The following DNAH5 variants were observed in gnomAD, a reference collection of about 807,000 sequenced individuals.
DNAH5 encodes the protein dynein axonemal heavy chain 5, also known as axonemal beta dynein heavy chain 5.
In DNAH5, 372 loss-of-function variants were observed where a neutral mutation model predicts 518.2. The observed-to-expected ratio is 0.72, with a 90% CI of 0.66 to 0.78. The LOEUF (loss-of-function observed/expected upper bound fraction) is 0.78, where lower values mean the gene tolerates loss of function less well. Ranked by LOEUF, DNAH5 falls within the 30% of genes least tolerant of loss-of-function variation. The pLI, the probability that DNAH5 is intolerant of heterozygous loss-of-function variation, is 0.00. For missense variants in DNAH5, 5,523 were observed against 5,687.0 expected, an observed-to-expected ratio of 0.97 and a Z score of 0.93; for synonymous variants, 2,039 against 2,025.9, an observed-to-expected ratio of 1.01 and a Z score of -0.17.
At chr5:13,820,616 A>G in intron 40 of DNAH5, 117 bp from the exon 41 acceptor site, 2 of 1,180,338 alleles carry the variant, frequency 1.7e-6, no homozygotes, top group Non-Finnish European at 2.5e-6. Context: ...CAAGGTCAGG[A>G]GTTCAAGACC....
chr5:13,716,383 C>A (rs1561100187), intron 74 of DNAH5, 104 bp downstream of exon 74: 1 of 796,932 alleles, frequency 1.3e-6, no homozygotes, highest in African/African-American at 1.7e-5. Context: ...TATATATCAC[C>A]ATTAAAATGT....
At chr5:13,808,425 G>T (rs909791226) in intron 46 of DNAH5, among the ~76,000 whole-genome samples, 1 of 152,096 alleles carries the variant, frequency 6.6e-6, no homozygotes, top group African/African-American at 2.4e-5. Flanking sequence ...CACCTAGGCT[G>T]CGGTATTTGG....
intron 1 of DNAH5, among the ~76,000 whole-genome samples, chr5:14,002,814 A>G (rs1784453277): frequency 6.6e-6 from 1 of 151,864 alleles, no homozygotes; most frequent in South Asian, 2.1e-4. Flanking sequence ...AATCTTTCAA[A>G]TGTACTTACT....
At chr5:13,746,532 G>T (rs897041929) in intron 65 of DNAH5, among the ~76,000 whole-genome samples, 1 of 152,076 alleles carries the variant, frequency 6.6e-6, no homozygotes, top group African/African-American at 2.4e-5. Context: ...AATTTCCACA[G>T]GCCTATGAAG....
intron 21 of DNAH5, among the ~76,000 whole-genome samples, chr5:13,878,971 G>A (rs774750969): frequency 6.6e-6 from 1 of 152,144 alleles, no homozygotes; most frequent in Non-Finnish European, 1.5e-5. Flanking sequence ...AGTCTTAGGG[G>A]TACTGACAGG....
intron 60 of DNAH5, 53 bp downstream of exon 60, chr5:13,762,669 G>T (rs558711952): frequency 2.0e-6 from 3 of 1,538,236 alleles, no homozygotes; most frequent in South Asian, 2.2e-5. Flanking sequence ...AAGACGGGTC[G>T]ACCTGGAGAC....
chr5:13,776,704 G>T lies in DNAH5; in HGVS notation c.9108C>A (p.Val3036=), dbSNP rs750009811. 1.5e-5 allele frequency: 25 copies of T among 1,613,398 alleles called. No individual in the cohort carries two copies. In the African/African-American group the frequency reaches 3.2e-4, roughly 21 times the overall value. ...TTTCATCTCGAGCAAATAGGTTAGA[G>T]ACCTTAAAAAGAAGTACAGGCATGC... ...YMNNVLSSGE[V]SNLFARDEID... Residue 3036 remains valine, a splice_region_variant and synonymous_variant, in exon 55 of 79, where the codon GTC becomes GTA. Coordinates refer to ENST00000265104, the MANE Select transcript of DNAH5 (RefSeq NM_001369.3).
At chr5:13,858,276 G>A (rs1214806606) in intron 30 of DNAH5, among the ~76,000 whole-genome samples, 4 of 152,164 alleles carry the variant, frequency 2.6e-5, no homozygotes, top group African/African-American at 9.7e-5. Flanking sequence ...CAGGGACATG[G>A]ATGAAGCTAG....
chr5:13,757,326 T>C (rs565366122), intron 61 of DNAH5, among the ~76,000 whole-genome samples: 46 of 152,344 alleles, frequency 3.0e-4, no homozygotes, highest in African/African-American at 7.9e-4. Flanking sequence ...TGACCAGCAG[T>C]GTATAAGCAT....
At chr5:13,743,435 C>T (rs958947400) in intron 65 of DNAH5, among the ~76,000 whole-genome samples, 2 of 151,838 alleles carry the variant, frequency 1.3e-5, no homozygotes, top group African/African-American at 4.8e-5. Flanking sequence ...CTATGAATAA[C>T]ACCACAAAAG....
At position 13,776,684 on chromosome 5, in the gene DNAH5, T is replaced by A. The variant is rs759475605; in HGVS notation, c.9128A>T (p.Asp3043Val). The A allele has an allele frequency of 2.6e-5, 42 of 1,613,564 alleles. No homozygotes were observed. The highest frequency in any genetic ancestry group is 3.3e-5 in the Non-Finnish European group (39 of 1,179,776). The change falls in exon 55 of 79, where the codon GAT becomes GTT. Residue 3043 changes from aspartate to valine, a missense_variant. By Grantham distance (152) the Asp-to-Val change is radical. This residue lies in a region of DNAH5 where 5,121 missense variants were observed against 5,223.3 expected (regional missense o/e 0.98). Coordinates refer to ENST00000265104, the MANE Select transcript of DNAH5 (RefSeq NM_001369.3). ...GTCGCTATTAATTTCATCAATTTCA[T>A]CTCGAGCAAATAGGTTAGAGACCTT... The part of the protein sequence containing the change: ...SGEVSNLFAR[D>V]EIDEINSDLA...
chr5:13,821,625 A>G (rs7711979), intron 40 of DNAH5, among the ~76,000 whole-genome samples: 62,355 of 151,622 alleles, frequency 0.41, 13,079 homozygotes, highest in East Asian at 0.61. Flanking sequence ...GCACTTAATC[A>G]TCATGCTATG....
chr5:14,004,507 C>CTATTTTAATA, intron 1 of DNAH5, among the ~76,000 whole-genome samples: 1 of 152,326 alleles, frequency 6.6e-6, no homozygotes, highest in Middle Eastern at 3.4e-3. Context: ...ATGCACCTTG[C>CTATTTTAATA]ATTGCAAAAG....
rs548293591 is a variant in DNAH5 at position 13,823,589 on chromosome 5, T to C, written c.6580-219A>G. 1.6e-4 allele frequency among the ~76,000 whole-genome samples: 24 copies of C among 152,076 alleles called. No individual in the cohort carries two copies. The South Asian group carries it at 4.6e-3, about 29-fold the overall frequency. On this transcript the variant is annotated intron_variant, in intron 39 of 78. Transcript: ENST00000265104. ...AAAGAACAGGGAGAAAGGAAAGAAA[T>C]GGAAGGAAGACAATACTGTCTATGT...
rs911384602 is a variant in DNAH5, at chr5:13,707,658, G to A, written c.13338+465C>T. ...GTGAGGGGGATAAGGGAACTCCTCC[G>A]ATTTCGACAGCATGTAGCAGAAACT... On this transcript the variant is annotated intron_variant, in intron 76 of 78. Transcript: ENST00000265104. This position sits in a 1 kb window ranked among gnomAD's most constrained non-coding sequence, Gnocchi z 4.0. Among the ~76,000 whole-genome samples, 7 of 151,952 alleles carry A rather than the reference G, an allele frequency of 4.6e-5. No homozygotes were observed. Among genetic ancestry groups the A allele is most frequent in the East Asian group, 3.9e-4 (2 of 5,126 alleles).
chr5:13,906,796 A>G (rs1775355391), intron 12 of DNAH5, among the ~76,000 whole-genome samples: 1 of 152,236 alleles, frequency 6.6e-6, no homozygotes, highest in African/African-American at 2.4e-5. Context: ...TATGTACTAC[A>G]TATTAAAATT....
At chr5:13,989,587 C>T (rs926072295) in intron 1 of DNAH5, among the ~76,000 whole-genome samples, 2 of 151,244 alleles carry the variant, frequency 1.3e-5, no homozygotes, top group East Asian at 2.0e-4. Context: ...GGGTTCACGC[C>T]GTTCTCCTGC....
At chr5:13,730,927 C>T (rs191856847) in intron 68 of DNAH5, among the ~76,000 whole-genome samples, 251 of 152,110 alleles carry the variant, frequency 1.7e-3, no homozygotes, top group African/African-American at 5.6e-3. Context: ...CTCGAACTCC[C>T]GACCCCAGGT....
intron 1 of DNAH5, among the ~76,000 whole-genome samples, chr5:13,938,998 C>T (rs1404850287): frequency 6.6e-6 from 1 of 152,160 alleles, no homozygotes; most frequent in African/African-American, 2.4e-5. Context: ...TTTAAAGACA[C>T]CCAAATGGTT....
Sources: gnomAD v4.1 joint callset for allele counts (sites outside exome capture counted in the v4.1 genomes callset) on GRCh38, gnomAD v4.1.1 for gene constraint, gnomAD v4.1.1 regional missense constraint, Gnocchi (gnomAD v3.1) non-coding constraint, MANE v1.5 for transcripts, NCBI Gene and HGNC (gene_info 2026-07-23, HGNC 2026-07-21) for gene names.